The following RPUSD1 variants were observed in gnomAD, a reference collection of about 807,000 sequenced individuals.
The protein encoded by RPUSD1 is pseudouridylate synthase RPUSD1.
A neutral mutation model predicts 22.4 loss-of-function variants in RPUSD1; 28 were observed. That is an observed-to-expected ratio of 1.25 (90% CI 0.93 to 1.72). The LOEUF (loss-of-function observed/expected upper bound fraction) is 1.72. Among genes scored for constraint, RPUSD1 ranks in the 40% most tolerant of loss-of-function variants. The pLI is 0.00. For missense variants in RPUSD1, 596 were observed against 442.2 expected, an observed-to-expected ratio of 1.35 and a Z score of -3.12; for synonymous variants, 298 against 201.0, an observed-to-expected ratio of 1.48 and a Z score of -4.08.
In RPUSD1 at chr16:786,922, T is replaced by C. The variant is rs766806429; in HGVS notation, c.416A>G (p.Glu139Gly). The change falls in exon 5 of 6, where the codon GAG becomes GGG. Residue 139 changes from glutamate (E) to glycine (G), a missense_variant. Physicochemically the swap from Glu to Gly is moderately conservative, Grantham distance 98. Transcript: ENST00000007264. The stretch of plus-strand genomic sequence containing the variant: ...ATCTGTGAGGCTTGGCTTTGGGTTC[T>C]CACAACCTGGGGCGCAGAAGGCAGG... ...TMCIEGSQGCENPKPSLTDLV... is the reference protein window; with the variant it reads ...TMCIEGSQGCGNPKPSLTDLV... 1 of 1,612,852 alleles carries C rather than the reference T, an allele frequency of 6.2e-7. No homozygotes were observed. Among genetic ancestry groups the C allele is most frequent in the South Asian group, 1.1e-5 (1 of 91,084 alleles).
intron 1 of RPUSD1, 111 bp downstream of exon 1, chr16:788,145 G>A: frequency 4.5e-6 from 2 of 448,098 alleles, no homozygotes; most frequent in Non-Finnish European, 8.7e-6. Context: ...TTAGGGCTGG[G>A]GCCTCCTCGC....
Position 787,430 on chromosome 16 carries a change from G to A in RPUSD1, c.230C>T (p.Ala77Val), listed in dbSNP as rs1270987882. ...DFSTSGALCV[A>V]LNKAAAGSAY... ...GCTGCCGGCGGCTGCCTTGTTTAGG[G>A]CCACGCACAGCGCCCCGCTGGTGGA... is the stretch of plus-strand genomic sequence containing the variant. Residue 77 changes from alanine (A) to valine (V), a missense_variant, in exon 3 of 6, where the codon GCC becomes GTC. Ala to Val is a moderately conservative substitution (Grantham distance 64, BLOSUM62 0). Transcript: ENST00000007264. The A allele has an allele frequency of 6.3e-6, 10 of 1,582,784 alleles. No individual in the cohort carries two copies. Among genetic ancestry groups the A allele is most frequent in the African/African-American group, 4.1e-5 (3 of 73,980 alleles).
intron 5 of RPUSD1, 166 bp from the exon 6 acceptor site, chr16:786,543 G>T (rs1324349011): frequency 1.3e-6 from 1 of 783,416 alleles, no homozygotes; most frequent in Non-Finnish European, 2.1e-6. Flanking sequence ...ACAGTATTTA[G>T]GACAGAAGAT....
chr16:785,074 G>C lies in RPUSD1; in HGVS notation c.*876C>G, dbSNP rs558300093. The C allele has an allele frequency of 1.3e-5, 2 of 152,376 alleles. No homozygotes were observed. Among genetic ancestry groups the C allele is most frequent in the African/African-American group, 2.4e-5 (1 of 41,464 alleles). 9.4% of individuals were successfully genotyped at this position (152,376 alleles called of 1,614,324 possible). A position where few individuals can be genotyped will look rare whatever the true frequency, so the allele number is the denominator to read the frequency against. ...TGGGGGACAGAGGAGGTGGGACCTG[G>C]CAGACCCACAGCTCCCAAGCTGGGG... On this transcript the variant is annotated 3_prime_UTR_variant, in exon 6 of 6. Coordinates refer to ENST00000007264, the MANE Select transcript of RPUSD1 (RefSeq NM_058192.3).
In RPUSD1 at chr16:787,537, C is replaced by G. The variant is rs762241205; in HGVS notation, c.182+19G>C. 4 of 1,605,996 alleles carry G rather than the reference C, an allele frequency of 2.5e-6. No individual in the cohort carries two copies. The highest frequency in any genetic ancestry group is 2.5e-6 in the Non-Finnish European group (3 of 1,177,578). On this transcript the variant is annotated intron_variant, in intron 2 of 5. Coordinates refer to ENST00000007264, the MANE Select transcript of RPUSD1 (RefSeq NM_058192.3). ...TTCCTCCACAGACGCCACCGTGGGG[C>G]TCCGGCCGCCCCCCCTACCTGAACC...
chr16:787,789 G>A (rs1341208078), intron 1 of RPUSD1, 45 bp from the exon 2 acceptor site: 8 of 1,579,758 alleles, frequency 5.1e-6, no homozygotes, highest in South Asian at 1.1e-5. Context: ...CACGTGGTGC[G>A]CCCCCAGCCC....
chr16:787,194 G>C lies in RPUSD1; in HGVS notation c.307-15C>G. 1 of 1,594,086 alleles carries C rather than the reference G, an allele frequency of 6.3e-7. No homozygotes were observed. Among genetic ancestry groups the C allele is most frequent in the East Asian group, 2.3e-5 (1 of 43,878 alleles). On this transcript the variant is annotated splice_polypyrimidine_tract_variant and intron_variant, in intron 3 of 5. Coordinates refer to ENST00000007264, the MANE Select transcript of RPUSD1 (RefSeq NM_058192.3). Reference sequence around the variant, plus strand: ...TGCCCCCGCAGCTGCAGGAGAGGGAGAATCGCACGCAGTTCACGGGGCAGC... The same window carrying C: ...TGCCCCCGCAGCTGCAGGAGAGGGACAATCGCACGCAGTTCACGGGGCAGC...
Position 786,020 on chromosome 16 carries a change from G to C in RPUSD1, c.869C>G (p.Pro290Arg), listed in dbSNP as rs531558384. 2.0e-6 allele frequency: 3 copies of C among 1,492,506 alleles called. No homozygotes were observed. The highest frequency in any genetic ancestry group is 1.8e-6 in the Non-Finnish European group (2 of 1,124,636). The allele number at this position is 1,492,506 out of a possible 1,614,324, so 92.5% of individuals were successfully genotyped here. The change falls in exon 6 of 6, where the codon CCT (proline) becomes CGT (arginine). Residue 290 changes from proline to arginine, a missense_variant. Transcript: ENST00000007264. ...GRPPPPPTKP[P>R]ETEAQRGPCL... is the part of the protein sequence containing the mutation. ...GGGGCCCCGCTGTGCCTCAGTCTCAGGGGGCTTGGTTGGGGGTGGAGGAGG... is the reference window on the plus strand; with the variant it reads ...GGGGCCCCGCTGTGCCTCAGTCTCACGGGGCTTGGTTGGGGGTGGAGGAGG...
chr16:786,770 C>G (rs747335127), intron 5 of RPUSD1, 57 bp downstream of exon 5: 26 of 1,416,644 alleles, frequency 1.8e-5, no homozygotes, highest in Non-Finnish European at 2.5e-5. Context: ...AGCTTCGTGG[C>G]CCTGTGCCTC....
intron 5 of RPUSD1, 35 bp downstream of exon 5, chr16:786,792 T>C (rs1268544870): frequency 1.3e-6 from 2 of 1,559,178 alleles, no homozygotes; most frequent in Non-Finnish European, 1.8e-6. Context: ...GTTTCCCTTC[T>C]GTCACCACCA....
In RPUSD1 at chr16:786,832, A is replaced by G. The variant is rs2041939481; in HGVS notation, c.506T>C (p.Leu169Pro). 6.2e-7 allele frequency: 1 copy of G among 1,612,128 alleles called. No homozygotes were observed. Among genetic ancestry groups the G allele is most frequent in the African/African-American group, 1.3e-5 (1 of 74,850 alleles). Reference sequence around the variant, plus strand: ...ACCGCCCACCCCAGACACACCCGTGAGCGGCTTCAGCAGCACTTTGGAGAC... The same window carrying G: ...ACCGCCCACCCCAGACACACCCGTGGGCGGCTTCAGCAGCACTTTGGAGAC... Reference protein sequence around the residue: ...DPVSKVLLKPLTGRTHQLRVH... With the variant: ...DPVSKVLLKPPTGRTHQLRVH... Residue 169 changes from leucine (L) to proline (P), a missense_variant, in exon 5 of 6, where the codon CTC becomes CCC. Leu to Pro is a moderately conservative substitution (Grantham distance 98). Coordinates refer to ENST00000007264, the MANE Select transcript of RPUSD1 (RefSeq NM_058192.3).
At chr16:786,540 T>C in intron 5 of RPUSD1, 163 bp from the exon 6 acceptor site, 1 of 781,300 alleles carries the variant, frequency 1.3e-6, no homozygotes. Context: ...ATGACAGTAT[T>C]TAGGACAGAA....
At position 788,256 on chromosome 16, in the gene RPUSD1, C is replaced by T; in HGVS notation, c.-8G>A. On this transcript the variant is annotated splice_region_variant and 5_prime_UTR_variant, in exon 1 of 6. Coordinates refer to ENST00000007264, the MANE Select transcript of RPUSD1 (RefSeq NM_058192.3). ...CGCCCACGCCCACGCCAAGACCAACCTGCTGCCGGGCCGTGCAGTCCAGGC... is the reference window on the plus strand; with the variant it reads ...CGCCCACGCCCACGCCAAGACCAACTTGCTGCCGGGCCGTGCAGTCCAGGC... The T allele has an allele frequency of 2.6e-6, 1 of 379,530 alleles. No individual in the cohort carries two copies. The highest frequency in any genetic ancestry group is 5.1e-6 in the Non-Finnish European group (1 of 196,534). 23.5% of individuals were successfully genotyped at this position (379,530 alleles called of 1,614,324 possible).
rs1410025201 is a variant in RPUSD1, at chr16:787,069, T to C, written c.409+8A>G. The C allele has an allele frequency of 6.2e-7, 1 of 1,602,260 alleles. No individual in the cohort carries two copies. The highest frequency in any genetic ancestry group is 8.5e-7 in the Non-Finnish European group (1 of 1,175,758). ...GATGCCCGCCCGGTGGGTCCCTGCC[T>C]GCCACACCCTGCGAGCCCTCGATGC... On this transcript the variant is annotated splice_region_variant and intron_variant, in intron 4 of 5. Transcript: ENST00000007264.
intron 1 of RPUSD1, 142 bp downstream of exon 1, chr16:788,114 C>T (rs918570734): frequency 6.4e-6 from 3 of 467,824 alleles, no homozygotes; most frequent in African/African-American, 6.0e-5. Context: ...GCCCGGCAGC[C>T]AGGTCTGCCC....
intron 5 of RPUSD1, chr16:786,588 G>A (rs1315903649): frequency 2.7e-6 from 2 of 744,138 alleles, no homozygotes; most frequent in South Asian, 3.0e-5. Context: ...GACAGGGCCA[G>A]GGTGGTGCTC....
Position 787,698 on chromosome 16 carries a change from G to A in RPUSD1, c.40C>T (p.Arg14Trp), listed in dbSNP as rs781496126. Reference protein sequence around the residue: ...GSVENLSIVYRSRDFLVVNKH... With the variant: ...GSVENLSIVYWSRDFLVVNKH... ...TTGACCACCAGGAAGTCGCGGCTCC[G>A]GTACACGATGGACAGGTTCTCCACG... Residue 14 changes from arginine (R) to tryptophan (W), a missense_variant, in exon 2 of 6, where the codon CGG becomes TGG. Coordinates refer to ENST00000007264, the MANE Select transcript of RPUSD1 (RefSeq NM_058192.3). The A allele has an allele frequency of 1.0e-4, 162 of 1,611,664 alleles. No individual in the cohort carries two copies. The highest frequency in any genetic ancestry group is 1.3e-4 in the Non-Finnish European group (151 of 1,179,912).
In RPUSD1 at chr16:786,313, G is replaced by A. The variant is rs754188741; in HGVS notation, c.576C>T (p.Thr192=). Residue 192 remains threonine, a synonymous_variant, in exon 6 of 6, where the codon ACC becomes ACT. Transcript: ENST00000007264. ...ALGHPVVGDL[T]YGEVSGREDR... Reference sequence around the variant, plus strand: ...CCTCCCGGCCCGAGACTTCTCCGTAGGTCAGGTCGCCCACCACGGGGTGGC... The same window carrying A: ...CCTCCCGGCCCGAGACTTCTCCGTAAGTCAGGTCGCCCACCACGGGGTGGC... The A allele has an allele frequency of 3.7e-6, 6 of 1,612,572 alleles. No homozygotes were observed. Among genetic ancestry groups the A allele is most frequent in the African/African-American group, 1.3e-5 (1 of 74,934 alleles).
rs528273258 is a variant in RPUSD1 at position 786,100 on chromosome 16, C to T, written c.789G>A (p.Glu263=). 7.2e-5 allele frequency: 114 copies of T among 1,584,256 alleles called. 1 individual carries two copies. In the East Asian group the frequency reaches 2.5e-3, roughly 35 times the overall value. The change falls in exon 6 of 6, where the codon GAG becomes GAA. Residue 263 remains glutamate (E), a synonymous_variant. Coordinates refer to ENST00000007264, the MANE Select transcript of RPUSD1 (RefSeq NM_058192.3). The part of the protein sequence containing the change: ...ALRATPDPDP[E]DRGPRPGSPS... ...GGCTGCCTGGCCTGGGGCCCCTATC[C>T]TCGGGGTCAGGGTCGGGGGTGGCCC...
Sources: gnomAD v4.1 joint callset for allele counts on GRCh38, gnomAD v4.1.1 for gene constraint, MANE v1.5 for transcripts, NCBI Gene and HGNC (gene_info 2026-07-23, HGNC 2026-07-21) for gene names.